Variants in TMEM74 observed in about 807,000 individuals in gnomAD.
TMEM74 encodes transmembrane protein 74.
A neutral mutation model predicts 18.1 loss-of-function variants in TMEM74; 13 were observed. That is an observed-to-expected ratio of 0.72 (90% CI 0.47 to 1.14). TMEM74 has a LOEUF of 1.14. Ranked by LOEUF, TMEM74 falls within the 50% of genes most tolerant of loss-of-function variation. TMEM74 has a pLI of 0.00. For missense variants in TMEM74, 372 were observed against 375.9 expected, an observed-to-expected ratio of 0.99 and a Z score of 0.09; for synonymous variants, 159 against 146.6, an observed-to-expected ratio of 1.08 and a Z score of -0.61.
chr8:108,705,123 C>T (rs1331608663), intron 1 of TMEM74, among the ~76,000 whole-genome samples: 2 of 152,150 alleles, frequency 1.3e-5, no homozygotes, highest in African/African-American at 2.4e-5. Context: ...TTATACAGCC[C>T]AAATTAGTCC....
chr8:108,639,034 G>T (rs1185289541), intron 2 of TMEM74, among the ~76,000 whole-genome samples: 1 of 152,088 alleles, frequency 6.6e-6, no homozygotes, highest in Admixed American at 6.6e-5. Context: ...TGAGACATAT[G>T]TGGAAAGGAG....
intron 1 of TMEM74, among the ~76,000 whole-genome samples, chr8:108,704,771 G>A (rs1056967908): frequency 2.0e-5 from 3 of 152,226 alleles, no homozygotes; most frequent in African/African-American, 7.2e-5. Context: ...ATCAAACTCA[G>A]ACTGAAGGAG....
chr8:108,768,600 C>T (rs768399082), intron 1 of TMEM74, among the ~76,000 whole-genome samples: 41 of 152,190 alleles, frequency 2.7e-4, no homozygotes, highest in Non-Finnish European at 4.8e-4. Flanking sequence ...TAGACTTTCA[C>T]ACCCGCGTTT....
intron 1 of TMEM74, among the ~76,000 whole-genome samples, chr8:108,723,961 A>G (rs1813609833): frequency 6.6e-6 from 1 of 152,200 alleles, no homozygotes. Flanking sequence ...CTGTGAACTT[A>G]TATTTGCAAC....
chr8:108,646,045 A>C (rs1812713788), intron 2 of TMEM74, among the ~76,000 whole-genome samples: 1 of 152,140 alleles, frequency 6.6e-6, no homozygotes, highest in South Asian at 2.1e-4. Context: ...AGAAATTATA[A>C]AACCAGTAAA....
chr8:108,708,752 A>G (rs889978501), intron 1 of TMEM74, among the ~76,000 whole-genome samples: 2 of 146,780 alleles, frequency 1.4e-5, no homozygotes, highest in Admixed American at 7.0e-5. Context: ...TTTGCAAACC[A>G]TATACCTAAA....
chr8:108,618,031 C>A (rs1812403194), intron 2 of TMEM74, among the ~76,000 whole-genome samples: 2 of 152,124 alleles, frequency 1.3e-5, no homozygotes, highest in African/African-American at 4.8e-5. Context: ...GAAGAAGAAA[C>A]TGCATCCCAC....
chr8:108,671,100 A>G (rs947729608), intron 1 of TMEM74, among the ~76,000 whole-genome samples: 1 of 152,208 alleles, frequency 6.6e-6, no homozygotes, highest in African/African-American at 2.4e-5. Context: ...GAGGGTTCAT[A>G]CAAAACTTGG....
chr8:108,622,136 A>C (rs1157491950), intron 2 of TMEM74, among the ~76,000 whole-genome samples: 1 of 152,124 alleles, frequency 6.6e-6, no homozygotes. Flanking sequence ...GCAAAACGAG[A>C]ATAAGTTTTC....
At chr8:108,704,939 C>A (rs899552682) in intron 1 of TMEM74, among the ~76,000 whole-genome samples, 6 of 152,164 alleles carry the variant, frequency 3.9e-5, no homozygotes, top group Non-Finnish European at 8.8e-5. Flanking sequence ...ATTTGTAAAT[C>A]TCAAAGTGAA....
At chr8:108,751,592 G>T (rs536014487) in intron 1 of TMEM74, among the ~76,000 whole-genome samples, 3 of 152,144 alleles carry the variant, frequency 2.0e-5, no homozygotes, top group Non-Finnish European at 2.9e-5. Flanking sequence ...GACAGTAACT[G>T]GTTAGAAAAT....
intron 1 of TMEM74, among the ~76,000 whole-genome samples, chr8:108,669,349 C>T (rs564042071): frequency 3.2e-4 from 48 of 152,206 alleles, no homozygotes; most frequent in African/African-American, 8.7e-4. Context: ...GTTATCCTGC[C>T]GAGCACGTTA....
intron 2 of TMEM74, among the ~76,000 whole-genome samples, chr8:108,632,432 G>A (rs1812561896): frequency 6.6e-6 from 1 of 151,862 alleles, no homozygotes; most frequent in Non-Finnish European, 1.5e-5. Flanking sequence ...GTTTACCAAT[G>A]ACAATGCATA....
chr8:108,739,032 A>G lies in TMEM74; in HGVS notation n.119+48444T>C, dbSNP rs566116018. ...ACAGTCATACTTAACTGTAAGGTAG[A>G]CATGTGTTCAGTTAAAAATAATGAA... On this transcript the variant is annotated intron_variant and non_coding_transcript_variant, in intron 1 of 3. Coordinates refer to the TMEM74 transcript ENST00000518838. Among the ~76,000 whole-genome samples the G allele has an allele frequency of 1.4e-4, 22 of 152,324 alleles. No individual in the cohort carries two copies. The South Asian group carries it at 1.5e-3, about 10-fold the overall frequency.
At chr8:108,732,752 G>A (rs1427984946) in intron 1 of TMEM74, among the ~76,000 whole-genome samples, 8 of 144,208 alleles carry the variant, frequency 5.5e-5, no homozygotes, top group Non-Finnish European at 8.9e-5. Context: ...ATAAGGAAAA[G>A]CTACAATTAT....
chr8:108,694,488 A>G (rs1813261826), intron 1 of TMEM74, among the ~76,000 whole-genome samples: 1 of 152,220 alleles, frequency 6.6e-6, no homozygotes, highest in Non-Finnish European at 1.5e-5. Context: ...AAATCCATAG[A>G]AACTTCATAA....
At chr8:108,661,181 T>C (rs1812896017) in intron 1 of TMEM74, among the ~76,000 whole-genome samples, 1 of 152,124 alleles carries the variant, frequency 6.6e-6, no homozygotes, top group East Asian at 1.9e-4. Context: ...TATTCCAAGA[T>C]TCTTAAATCA....
intron 1 of TMEM74, among the ~76,000 whole-genome samples, chr8:108,679,542 T>A (rs1225858907): frequency 6.6e-6 from 1 of 152,230 alleles, no homozygotes; most frequent in Non-Finnish European, 1.5e-5. Context: ...TGCATAAATG[T>A]CTTCTTTTGA....
chr8:108,637,787 A>T (rs1812622226), intron 2 of TMEM74, among the ~76,000 whole-genome samples: 1 of 152,124 alleles, frequency 6.6e-6, no homozygotes, highest in Non-Finnish European at 1.5e-5. Flanking sequence ...TAAGCCACTA[A>T]ATTTGTGGTA....
Sources: gnomAD v4.1 joint callset for allele counts (sites outside exome capture counted in the v4.1 genomes callset) on GRCh38, gnomAD v4.1.1 for gene constraint, MANE v1.5 for transcripts, NCBI Gene and HGNC (gene_info 2026-07-23, HGNC 2026-07-21) for gene names.